Variants in CCDC91 observed in about 807,000 individuals in gnomAD.
The protein encoded by CCDC91 is coiled-coil domain-containing protein 91.
A neutral mutation model predicts 63.2 loss-of-function variants in CCDC91; 48 were observed. The ratio of observed to expected loss-of-function variants is 0.76; its 90% CI spans 0.60 to 0.97. CCDC91 has a LOEUF of 0.97. Ranked by LOEUF, CCDC91 falls within the 50% of genes least tolerant of loss-of-function variation. CCDC91 has a pLI of 0.00. For missense variants in CCDC91, 500 were observed against 494.6 expected (o/e 1.01, Z -0.10); for synonymous variants, 167 against 165.8 (o/e 1.01, Z -0.06).
chr12:28,376,934 A>G (rs1944983846), intron 7 of CCDC91, among the ~76,000 whole-genome samples: 1 of 151,796 alleles, frequency 6.6e-6, no homozygotes, highest in South Asian at 2.1e-4. Context: ...TACAATAGTG[A>G]GTGGAAAGCA....
rs189038541 is a variant in CCDC91 at position 28,321,470 on chromosome 12, C to T, written c.576+13721C>T. On this transcript the variant is annotated intron_variant, in intron 6 of 12. Transcript: ENST00000536442. Reference sequence around the variant, plus strand: ...TAGACTGCTATGGATTGAATGGTTTCCCCCTAAAATTCGTACATTGATGCT... The same window carrying T: ...TAGACTGCTATGGATTGAATGGTTTTCCCCTAAAATTCGTACATTGATGCT... Among the ~76,000 whole-genome samples the T allele has an allele frequency of 3.6e-4, 54 of 151,944 alleles. No homozygotes were observed. The East Asian group carries it at 7.4e-3, about 21-fold the overall frequency.
At chr12:28,373,738 C>T (rs1944767396) in intron 7 of CCDC91, among the ~76,000 whole-genome samples, 1 of 152,080 alleles carries the variant, frequency 6.6e-6, no homozygotes, top group African/African-American at 2.4e-5. Context: ...TTCCAAATCT[C>T]ATCTTGAATT....
intron 12 of CCDC91, among the ~76,000 whole-genome samples, chr12:28,509,574 A>T (rs1438272189): frequency 6.6e-6 from 1 of 151,920 alleles, no homozygotes; most frequent in Non-Finnish European, 1.5e-5. Flanking sequence ...GGTTTTATTT[A>T]TATCATTTTT....
At chr12:28,283,897 G>T (rs1371544491) in intron 3 of CCDC91, among the ~76,000 whole-genome samples, 1 of 152,128 alleles carries the variant, frequency 6.6e-6, no homozygotes, top group Non-Finnish European at 1.5e-5. Context: ...CAGGGTTTTG[G>T]ATTAGGGATG....
chr12:28,501,231 T>A (rs1287078036), intron 12 of CCDC91, among the ~76,000 whole-genome samples: 1 of 151,948 alleles, frequency 6.6e-6, no homozygotes, highest in East Asian at 1.9e-4. Context: ...TGGCCAGAAC[T>A]TCCAACACTA....
intron 7 of CCDC91, among the ~76,000 whole-genome samples, chr12:28,369,834 G>A (rs1030627602): frequency 6.6e-6 from 1 of 152,282 alleles, no homozygotes; most frequent in South Asian, 2.1e-4. Context: ...TACACCCTCT[G>A]AGGCAATGGA....
In CCDC91 at chr12:28,310,833, A is replaced by G. The variant is rs534027118; in HGVS notation, c.576+3084A>G. 1.1e-4 allele frequency among the ~76,000 whole-genome samples: 16 copies of G among 152,052 alleles called. No homozygotes were observed. In the East Asian group the frequency reaches 3.1e-3, roughly 30 times the overall value. On this transcript the variant is annotated intron_variant, in intron 6 of 12. Coordinates refer to ENST00000536442, the MANE Select transcript of CCDC91 (RefSeq NM_018318.5). Reference sequence around the variant, plus strand: ...TAAACTTTCTATTCTGTTTGTTTCAAGCATGTTTCATAATTCCCTGCCGAA... The same window carrying G: ...TAAACTTTCTATTCTGTTTGTTTCAGGCATGTTTCATAATTCCCTGCCGAA...
intron 11 of CCDC91, among the ~76,000 whole-genome samples, chr12:28,453,406 T>TTA (rs1184058149): frequency 3.0e-4 from 45 of 152,160 alleles, no homozygotes; most frequent in Admixed American, 2.8e-3. Context: ...TTCATTCACA[T>TTA]TATAAATGCA....
chr12:28,211,720 G>A (rs1943244755), intron 1 of CCDC91, among the ~76,000 whole-genome samples: 1 of 151,470 alleles, frequency 6.6e-6, no homozygotes, highest in South Asian at 2.1e-4. Context: ...TACCTAAAAT[G>A]TTGGCTTTAC....
intron 11 of CCDC91, among the ~76,000 whole-genome samples, chr12:28,481,767 A>T (rs1407476225): frequency 6.6e-6 from 1 of 151,960 alleles, no homozygotes; most frequent in Non-Finnish European, 1.5e-5. Context: ...ACTGGGGAGG[A>T]TAGAATCAAG....
chr12:28,533,542 A>T (rs1026377717), intron 12 of CCDC91, among the ~76,000 whole-genome samples: 3 of 152,054 alleles, frequency 2.0e-5, no homozygotes, highest in Non-Finnish European at 4.4e-5. Context: ...TATTATTGGT[A>T]ACTATAGTTG....
intron 1 of CCDC91, chr12:28,236,505 TATAAA>T (rs1199841500): frequency 2.6e-5 from 4 of 152,004 alleles, no homozygotes; most frequent in African/African-American, 7.2e-5. Context: ...CTTTTCTTCA[TATAAA>T]ATAAAATTTG....
chr12:28,500,106 C>CT (rs1293572511), intron 12 of CCDC91, among the ~76,000 whole-genome samples: 1 of 151,662 alleles, frequency 6.6e-6, no homozygotes, highest in Non-Finnish European at 1.5e-5. Context: ...TGATGATGAG[C>CT]TTTTTTCCAT....
chr12:28,232,198 A>G (rs889763194), intron 1 of CCDC91, among the ~76,000 whole-genome samples: 5 of 152,032 alleles, frequency 3.3e-5, no homozygotes, highest in Non-Finnish European at 7.4e-5. Flanking sequence ...TTTTATTTGC[A>G]TTTGAAAATT....
chr12:28,259,516 C>G (rs1946683446), intron 3 of CCDC91, 74 bp downstream of exon 3: 1 of 920,304 alleles, frequency 1.1e-6, no homozygotes, highest in South Asian at 1.4e-5. Context: ...CTTTGAAACC[C>G]TATTTCTCAA....
At chr12:28,249,490 C>T (rs1945980236) in intron 1 of CCDC91, among the ~76,000 whole-genome samples, 1 of 152,162 alleles carries the variant, frequency 6.6e-6, no homozygotes, top group Admixed American at 6.5e-5. Context: ...ATTTACCCAT[C>T]TGGTCACAGG....
intron 1 of CCDC91, among the ~76,000 whole-genome samples, chr12:28,206,083 G>A (rs1371309455): frequency 2.6e-5 from 4 of 152,160 alleles, no homozygotes; most frequent in African/African-American, 4.8e-5. Context: ...AACCAGGTCT[G>A]TTCTCCTGTA....
chr12:28,522,193 A>T (rs577653687), intron 12 of CCDC91, among the ~76,000 whole-genome samples: 9 of 152,240 alleles, frequency 5.9e-5, no homozygotes, highest in African/African-American at 2.2e-4. Context: ...CTGTGAATCC[A>T]TCTGGTCCTG....
rs550520694 is a variant in CCDC91 at position 28,457,256 on chromosome 12, C to T, written c.1101+4602C>T. Among the ~76,000 whole-genome samples, 3 of 151,980 alleles carry T rather than the reference C, an allele frequency of 2.0e-5. No homozygotes were observed. In the South Asian group the frequency reaches 6.2e-4, roughly 32 times the overall value. ...TTGGCAGCTAGTTGGGATACATAGACCTGAAGAGCCTCTCTCCAGGGACCT... is the reference window on the plus strand; with the variant it reads ...TTGGCAGCTAGTTGGGATACATAGATCTGAAGAGCCTCTCTCCAGGGACCT... On this transcript the variant is annotated intron_variant, in intron 11 of 12. Transcript: ENST00000536442.
Sources: gnomAD v4.1 joint callset for allele counts (sites outside exome capture counted in the v4.1 genomes callset) on GRCh38, gnomAD v4.1.1 for gene constraint, MANE v1.5 for transcripts, NCBI Gene and HGNC (gene_info 2026-07-23, HGNC 2026-07-21) for gene names.